PCDHGA5: variants seen among roughly 807,000 people sequenced by gnomAD.
PCDHGA5 encodes the protein protocadherin gamma subfamily A, 5.
Under a neutral mutation model 56.7 loss-of-function variants are expected in PCDHGA5, and 36 were observed. The ratio of observed to expected loss-of-function variants is 0.64; its 90% CI spans 0.49 to 0.84. The LOEUF (loss-of-function observed/expected upper bound fraction) is 0.84, where lower values mean the gene tolerates loss of function less well. PCDHGA5 is among the 40% of genes least tolerant of loss of function. The pLI is 0.00. For missense variants in PCDHGA5, 1,305 were observed against 1,201.5 expected, an observed-to-expected ratio of 1.09 and a Z score of -1.27; for synonymous variants, 563 against 520.2, an observed-to-expected ratio of 1.08 and a Z score of -1.12.
rs1256054518 is a variant in PCDHGA5, at chr5:141,364,354, G to C, written c.24G>C (p.Trp8Cys). The change falls in exon 1 of 4, where the codon TGG (tryptophan) becomes TGC (cysteine). Residue 8 changes from tryptophan (W) to cysteine (C), a missense_variant. Physicochemically the swap from Trp to Cys is radical, Grantham distance 215. Coordinates refer to ENST00000518069, the MANE Select transcript of PCDHGA5 (RefSeq NM_018918.3). The stretch of plus-strand genomic sequence containing the variant: ...CAATGGCGAGTCCACCTAGGGGCTG[G>C]GGCTGCGGAGAGCTGCTGCTGCCCT... Reference protein sequence around the residue: MASPPRGWGCGELLLPFM... With the variant: MASPPRGCGCGELLLPFM... The C allele has an allele frequency of 6.4e-7, 1 of 1,554,444 alleles. No homozygotes were observed. Among genetic ancestry groups the C allele is most frequent in the Non-Finnish European group, 8.7e-7 (1 of 1,152,740 alleles).
intron 1 of PCDHGA5, chr5:141,388,884 G>A: frequency 1.9e-6 from 3 of 1,614,002 alleles, no homozygotes; most frequent in Non-Finnish European, 2.5e-6. Flanking sequence ...AGTGGAGGTA[G>A]AAGTCATAGA....
chr5:141,469,868 C>T (rs749624047), intron 1 of PCDHGA5, among the ~76,000 whole-genome samples: 6 of 152,228 alleles, frequency 3.9e-5, no homozygotes, highest in Non-Finnish European at 7.3e-5. Flanking sequence ...CAATGGCTCA[C>T]GCCTGTAATC....
chr5:141,479,731 G>C (rs1176632022), intron 1 of PCDHGA5: 1 of 152,216 alleles, frequency 6.6e-6, no homozygotes, highest in East Asian at 1.9e-4. Context: ...TTTTTCTTAA[G>C]TATATGCACA....
intron 1 of PCDHGA5, chr5:141,374,414 G>A: frequency 1.9e-6 from 3 of 1,614,026 alleles, no homozygotes; most frequent in Non-Finnish European, 1.7e-6. Context: ...CATCCTTGTC[G>A]AGGATAAACT....
At chr5:141,400,014 C>T (rs2093941558) in intron 1 of PCDHGA5, 1 of 1,612,662 alleles carries the variant, frequency 6.2e-7, no homozygotes, top group Non-Finnish European at 8.5e-7. Flanking sequence ...GTGCCTTGGG[C>T]GACAGGGACG....
intron 1 of PCDHGA5, chr5:141,393,919 T>C: frequency 6.2e-7 from 1 of 1,613,992 alleles, no homozygotes; most frequent in Non-Finnish European, 8.5e-7. Flanking sequence ...ATTGCCTTCT[T>C]GAGTGTGCAT....
chr5:141,466,766 T>G (rs1309395984), intron 1 of PCDHGA5, among the ~76,000 whole-genome samples: 2 of 152,194 alleles, frequency 1.3e-5, no homozygotes, highest in Non-Finnish European at 2.9e-5. Context: ...TTTCAAACTG[T>G]TATCTTATTC....
chr5:141,403,766 G>A (rs1371539458), intron 1 of PCDHGA5: 2 of 1,613,864 alleles, frequency 1.2e-6, no homozygotes, highest in East Asian at 2.2e-5. Context: ...CCTGGATGAG[G>A]GAATCAACGG....
intron 1 of PCDHGA5, chr5:141,393,788 G>A (rs2092844033): frequency 6.2e-7 from 1 of 1,613,938 alleles, no homozygotes. Context: ...AAGATGTGGG[G>A]GCACTTCTGG....
rs561614642 is a variant in PCDHGA5 at position 141,366,743 on chromosome 5, C to G, written c.2413C>G (p.Arg805Gly). Residue 805 changes from arginine to glycine, a missense_variant, in exon 1 of 4, where the codon CGA becomes GGA. Arg to Gly is a moderately radical substitution (Grantham distance 125). Coordinates refer to ENST00000518069, the MANE Select transcript of PCDHGA5 (RefSeq NM_018918.3). ...GGTAGATGCAAACAAAGAAGAACGG[C>G]GAGTTCAGGTTAGTTTTCTCTTTCG... ...DKVDANKEER[R>G]VQQAPPNTDW... The G allele has an allele frequency of 1.2e-6, 2 of 1,611,598 alleles. No homozygotes were observed. Among genetic ancestry groups the G allele is most frequent in the East Asian group, 4.5e-5 (2 of 44,834 alleles).
At chr5:141,498,919 C>T (rs897611505) in intron 2 of PCDHGA5, among the ~76,000 whole-genome samples, 34 of 122,310 alleles carry the variant, frequency 2.8e-4, no homozygotes, top group African/African-American at 3.4e-4. Flanking sequence ...GGTGACAGAG[C>T]GAGACTCCAT....
chr5:141,489,579 C>G lies in PCDHGA5; in HGVS notation c.2422-5228C>G, dbSNP rs112808093. 3.7e-6 allele frequency: 6 copies of G among 1,613,922 alleles called. No individual in the cohort carries two copies. The Admixed American group carries it at 5.0e-5, about 13-fold the overall frequency. On this transcript the variant is annotated intron_variant, in intron 1 of 3. Transcript: ENST00000518069. This position sits in a 1 kb window ranked among gnomAD's most constrained non-coding sequence, Gnocchi z 4.5. ...CAGTGCAGGTGGTGACTGAACACCC[C>G]CTGGAGCTAATCCGTGTAGAGGTAG... is the stretch of plus-strand genomic sequence containing the variant.
intron 1 of PCDHGA5, chr5:141,394,115 T>G: frequency 2.5e-6 from 4 of 1,613,954 alleles, no homozygotes; most frequent in Non-Finnish European, 3.4e-6. Flanking sequence ...CTCTGTCCAC[T>G]GAAACTCAAA....
chr5:141,380,586 A>G (rs1776590608), intron 1 of PCDHGA5, among the ~76,000 whole-genome samples: 1 of 152,226 alleles, frequency 6.6e-6, no homozygotes, highest in Non-Finnish European at 1.5e-5. Context: ...GCGGTCTAGT[A>G]AAGATCTTTA....
intron 1 of PCDHGA5, chr5:141,442,421 T>G (rs1288481455): frequency 1.3e-5 from 2 of 152,290 alleles, no homozygotes; most frequent in East Asian, 3.9e-4. Flanking sequence ...TGAACTTCTT[T>G]TTTGAATCCC....
chr5:141,375,073 A>T, intron 1 of PCDHGA5: 1 of 1,614,030 alleles, frequency 6.2e-7, no homozygotes, highest in Non-Finnish European at 8.5e-7. Flanking sequence ...TTCGAGACAG[A>T]GCGAAAGTCT....
chr5:141,505,694 G>A, intron 3 of PCDHGA5, among the ~76,000 whole-genome samples: 1 of 152,208 alleles, frequency 6.6e-6, no homozygotes, highest in East Asian at 1.9e-4. Flanking sequence ...GCCTGGAGGA[G>A]AGCGAACAAG....
At chr5:141,371,058 A>C in intron 1 of PCDHGA5, 9 of 1,613,990 alleles carry the variant, frequency 5.6e-6, no homozygotes, top group Non-Finnish European at 7.6e-6. Flanking sequence ...CGAGCCCTCC[A>C]GAAGCTGTAC....
At chr5:141,394,689 G>A (rs1354749268) in intron 1 of PCDHGA5, 4 of 1,612,344 alleles carry the variant, frequency 2.5e-6, no homozygotes, top group Non-Finnish European at 3.4e-6. Flanking sequence ...CACGGGCGAG[G>A]TGCGCACGGC....
Sources: gnomAD v4.1 joint callset for allele counts (sites outside exome capture counted in the v4.1 genomes callset) on GRCh38, gnomAD v4.1.1 for gene constraint, Gnocchi (gnomAD v3.1) non-coding constraint, MANE v1.5 for transcripts, NCBI Gene and HGNC (gene_info 2026-07-23, HGNC 2026-07-21) for gene names.